The following PRKCE variants were observed in gnomAD, a reference collection of about 807,000 sequenced individuals.
The protein encoded by PRKCE is protein kinase C epsilon type.
Under a neutral mutation model 85.4 loss-of-function variants are expected in PRKCE, and 16 were observed. The ratio of observed to expected loss-of-function variants is 0.19; its 90% confidence interval spans 0.13 to 0.28. The LOEUF (loss-of-function observed/expected upper bound fraction) is 0.28, where lower values mean the gene tolerates loss of function less well. Ranked by LOEUF, PRKCE falls within the 10% of genes least tolerant of loss-of-function variation. PRKCE has a pLI of 1.00. For missense variants in PRKCE, 573 were observed against 975.2 expected (o/e 0.59, Z 5.49); for synonymous variants, 388 against 371.5 (o/e 1.04, Z -0.51).
At chr2:45,979,106 G>T in intron 4 of PRKCE, 96 bp downstream of exon 4, 1 of 1,166,926 alleles carries the variant, frequency 8.6e-7, no homozygotes, top group Non-Finnish European at 1.2e-6. Context: ...GATGACATTT[G>T]GAGGCTCTCC....
chr2:45,898,818 C>G (rs1478294021), intron 2 of PRKCE, among the ~76,000 whole-genome samples: 1 of 152,154 alleles, frequency 6.6e-6, no homozygotes, highest in African/African-American at 2.4e-5. Flanking sequence ...TGGCTGAACT[C>G]GCATGAGGCC....
chr2:45,992,878 C>T (rs1192495413), intron 6 of PRKCE, among the ~76,000 whole-genome samples: 1 of 84,288 alleles, frequency 1.2e-5, no homozygotes, highest in Non-Finnish European at 2.3e-5. Flanking sequence ...CCAGACAACA[C>T]TGCTGCTGCT....
At chr2:45,871,599 G>A (rs191589974) in intron 2 of PRKCE, among the ~76,000 whole-genome samples, 1 of 152,342 alleles carries the variant, frequency 6.6e-6, no homozygotes, top group East Asian at 1.9e-4. Context: ...ATCTCTATAG[G>A]AGATTAAATG....
chr2:45,914,307 G>C (rs1239832460), intron 2 of PRKCE, among the ~76,000 whole-genome samples: 1 of 152,228 alleles, frequency 6.6e-6, no homozygotes, highest in Admixed American at 6.5e-5. Flanking sequence ...GATATGTCCA[G>C]TGACTGAATA....
chr2:46,071,696 T>C (rs1411529863), intron 10 of PRKCE, among the ~76,000 whole-genome samples: 1 of 152,212 alleles, frequency 6.6e-6, no homozygotes, highest in Non-Finnish European at 1.5e-5. Flanking sequence ...TCCCAGGCAT[T>C]TGTGACATTA....
intron 1 of PRKCE, among the ~76,000 whole-genome samples, chr2:45,684,398 C>G (rs1677132391): frequency 6.6e-6 from 1 of 152,226 alleles, no homozygotes; most frequent in Non-Finnish European, 1.5e-5. Context: ...ATGAACACCA[C>G]AGTCAAGCCT....
At chr2:45,834,443 G>A (rs187712816) in intron 1 of PRKCE, among the ~76,000 whole-genome samples, 2 of 152,176 alleles carry the variant, frequency 1.3e-5, no homozygotes, top group Non-Finnish European at 2.9e-5. Context: ...TTGTAAATGG[G>A]CGTAGAATAA....
chr2:46,106,453 G>A (rs1671726102), intron 11 of PRKCE, among the ~76,000 whole-genome samples: 1 of 152,208 alleles, frequency 6.6e-6, no homozygotes, highest in African/African-American at 2.4e-5. Flanking sequence ...GCAATAGTTT[G>A]CTTGGGCTGC....
intron 2 of PRKCE, among the ~76,000 whole-genome samples, chr2:45,928,299 C>T (rs1698780654): frequency 1.3e-5 from 2 of 152,198 alleles, no homozygotes; most frequent in African/African-American, 4.8e-5. Flanking sequence ...ATAGAATCTC[C>T]CTCTGTTCCC....
intron 1 of PRKCE, among the ~76,000 whole-genome samples, chr2:45,792,135 C>T (rs1042647961): frequency 1.3e-5 from 2 of 152,156 alleles, no homozygotes; most frequent in Non-Finnish European, 2.9e-5. Context: ...CTGGTGAGGG[C>T]TTTCGTGCTG....
intron 1 of PRKCE, among the ~76,000 whole-genome samples, chr2:45,671,136 T>C (rs1388033774): frequency 6.6e-6 from 1 of 152,238 alleles, no homozygotes; most frequent in Non-Finnish European, 1.5e-5. Context: ...GTTTGCGGCC[T>C]TACCCCTCAG....
chr2:45,938,784 G>A (rs1699667133), intron 2 of PRKCE, among the ~76,000 whole-genome samples: 1 of 152,212 alleles, frequency 6.6e-6, no homozygotes, highest in African/African-American at 2.4e-5. Context: ...AGTCGTGCCA[G>A]TTTTCTTTCT....
At chr2:45,871,282 G>A (rs189029850) in intron 2 of PRKCE, among the ~76,000 whole-genome samples, 36 of 152,322 alleles carry the variant, frequency 2.4e-4, no homozygotes, top group African/African-American at 7.9e-4. Context: ...TCTCCCTGGT[G>A]AAAACAAACG....
intron 2 of PRKCE, among the ~76,000 whole-genome samples, chr2:45,864,722 T>G (rs2105691456): frequency 6.6e-6 from 1 of 152,344 alleles, no homozygotes. Context: ...AAGAGATATT[T>G]CATGTATAAT....
intron 10 of PRKCE, among the ~76,000 whole-genome samples, chr2:46,016,539 T>G (rs538126030): frequency 1.3e-5 from 2 of 152,250 alleles, no homozygotes; most frequent in East Asian, 3.9e-4. Context: ...TGGCTCTTAA[T>G]CTAACTGCTG....
At chr2:46,100,914 G>A (rs1671154561) in intron 11 of PRKCE, among the ~76,000 whole-genome samples, 1 of 151,926 alleles carries the variant, frequency 6.6e-6, no homozygotes, top group Non-Finnish European at 1.5e-5. Context: ...TGTCACCCAT[G>A]CTGGAGTGTA....
At chr2:45,748,976 G>A (rs1683345254) in intron 1 of PRKCE, among the ~76,000 whole-genome samples, 1 of 150,434 alleles carries the variant, frequency 6.6e-6, no homozygotes, top group African/African-American at 2.5e-5. Flanking sequence ...TGCAACCTCT[G>A]CCTCTTGGGT....
chr2:46,036,464 C>T (rs991480195), intron 10 of PRKCE, among the ~76,000 whole-genome samples: 1 of 152,078 alleles, frequency 6.6e-6, no homozygotes, highest in Admixed American at 6.5e-5. Flanking sequence ...GTGGTACATA[C>T]CTGTGGTCCC....
chr2:45,908,507 C>T (rs1205052574), intron 2 of PRKCE, among the ~76,000 whole-genome samples: 2 of 152,222 alleles, frequency 1.3e-5, no homozygotes, highest in African/African-American at 4.8e-5. Context: ...GATGCAGATT[C>T]TGACTCAGTG....
Sources: gnomAD v4.1 joint callset for allele counts (sites outside exome capture counted in the v4.1 genomes callset) on GRCh38, gnomAD v4.1.1 for gene constraint, MANE v1.5 for transcripts, NCBI Gene and HGNC (gene_info 2026-07-23, HGNC 2026-07-21) for gene names.